The following LHFPL6 variants were observed in gnomAD, a reference collection of about 807,000 sequenced individuals.
The protein encoded by LHFPL6 is LHFPL tetraspan subfamily member 6 protein.
In LHFPL6, 9 loss-of-function variants were observed where a neutral mutation model predicts 20.6. That is an observed-to-expected ratio of 0.44 (90% CI 0.26 to 0.76). LHFPL6 has a LOEUF of 0.76. Ranked by LOEUF, LHFPL6 falls within the 30% of genes least tolerant of loss-of-function variation. The pLI is 0.20. For synonymous variants in LHFPL6, 105 were observed against 98.7 expected, an observed-to-expected ratio of 1.06 and a Z score of -0.38; for missense variants, 218 against 253.5, an observed-to-expected ratio of 0.86 and a Z score of 0.95.
chr13:39,344,041 G>T lies in LHFPL6; in HGVS notation c.498C>A (p.Ile166=). The T allele has an allele frequency of 6.2e-7, 1 of 1,611,060 alleles. No homozygotes were observed. Among genetic ancestry groups the T allele is most frequent in the Non-Finnish European group, 8.5e-7 (1 of 1,177,912 alleles). The change falls in exon 4 of 4, where the codon ATC becomes ATA. Residue 166 remains isoleucine (I), a synonymous_variant. Transcript: ENST00000379589. The stretch of plus-strand genomic sequence containing the variant: ...CTCCCGTGCAGTAGTAGGCCCAGCC[G>T]ATTTCACACTTCCCTAAGGACAAAG... ...SGQFDLGKCE[I]GWAYYCTGAG... is the part of the protein sequence containing the mutation.
intron 2 of LHFPL6, among the ~76,000 whole-genome samples, chr13:39,590,508 T>C (rs1025284925): frequency 2.6e-5 from 4 of 152,216 alleles, no homozygotes; most frequent in African/African-American, 9.7e-5. Context: ...AGCAACAAGA[T>C]CAATTCTTGT....
intron 3 of LHFPL6, among the ~76,000 whole-genome samples, chr13:39,368,676 A>C (rs1156608804): frequency 6.6e-6 from 1 of 152,204 alleles, no homozygotes; most frequent in African/African-American, 2.4e-5. Flanking sequence ...ATGATTTATG[A>C]TCTTTAGAAA....
At chr13:39,379,573 A>G (rs1870384949) in intron 2 of LHFPL6, among the ~76,000 whole-genome samples, 1 of 152,214 alleles carries the variant, frequency 6.6e-6, no homozygotes, top group Non-Finnish European at 1.5e-5. Context: ...TTCTGCACCA[A>G]GTCCCTTCCG....
At chr13:39,490,913 C>T (rs894582302) in intron 2 of LHFPL6, among the ~76,000 whole-genome samples, 1 of 152,126 alleles carries the variant, frequency 6.6e-6, no homozygotes, top group African/African-American at 2.4e-5. Flanking sequence ...CCGATTATTT[C>T]AAGCATGTGG....
chr13:39,572,979 C>CTAA (rs1486823301), intron 2 of LHFPL6, among the ~76,000 whole-genome samples: 1 of 152,152 alleles, frequency 6.6e-6, no homozygotes, highest in Non-Finnish European at 1.5e-5. Flanking sequence ...GATACGCAAT[C>CTAA]TAATATCTGA....
At chr13:39,548,990 G>A (rs1279239385) in intron 2 of LHFPL6, among the ~76,000 whole-genome samples, 1 of 152,102 alleles carries the variant, frequency 6.6e-6, no homozygotes, top group Non-Finnish European at 1.5e-5. Flanking sequence ...TACAGACTGA[G>A]AAAATATTTG....
At chr13:39,466,273 G>A (rs1872803906) in intron 2 of LHFPL6, among the ~76,000 whole-genome samples, 1 of 152,170 alleles carries the variant, frequency 6.6e-6, no homozygotes, top group Admixed American at 6.5e-5. Context: ...CTCCCAGGTA[G>A]AGAAAAATGG....
intron 2 of LHFPL6, among the ~76,000 whole-genome samples, chr13:39,483,897 T>A (rs1377981512): frequency 3.3e-5 from 5 of 152,230 alleles, no homozygotes; most frequent in Non-Finnish European, 7.3e-5. Context: ...GTTTAAGGTT[T>A]AAAACCTGGC....
chr13:39,387,516 A>T (rs1870593698), intron 2 of LHFPL6, among the ~76,000 whole-genome samples: 1 of 135,164 alleles, frequency 7.4e-6, no homozygotes, highest in Non-Finnish European at 1.5e-5. Context: ...ACTGCACTCC[A>T]GCCTGGGTGA....
rs148350825 is a variant in LHFPL6, at chr13:39,373,623, G to C, written c.484+4805C>G. On this transcript the variant is annotated intron_variant, in intron 3 of 3. Coordinates refer to ENST00000379589, the MANE Select transcript of LHFPL6 (RefSeq NM_005780.3). ...GTCCTGACCAGCTGCCTTGAGAGCCGCAGGGATCAATAAACGAGCACAGCT... is the reference window on the plus strand; with the variant it reads ...GTCCTGACCAGCTGCCTTGAGAGCCCCAGGGATCAATAAACGAGCACAGCT... Among the ~76,000 whole-genome samples the C allele has an allele frequency of 7.8e-4, 119 of 152,302 alleles. 1 individual carries two copies. The highest frequency in any genetic ancestry group is 3.4e-3 in the Middle Eastern group (1 of 294).
At chr13:39,466,196 G>C (rs571172070) in intron 2 of LHFPL6, among the ~76,000 whole-genome samples, 2 of 152,120 alleles carry the variant, frequency 1.3e-5, no homozygotes, top group South Asian at 4.1e-4. Flanking sequence ...TAAATGTTTG[G>C]ATCTGAGTTT....
chr13:39,404,136 G>A (rs576768175), intron 2 of LHFPL6, among the ~76,000 whole-genome samples: 4 of 152,200 alleles, frequency 2.6e-5, no homozygotes, highest in East Asian at 3.8e-4. Context: ...AAATAAGCAC[G>A]TGATGGAATT....
Position 39,601,205 on chromosome 13 carries a change from G to A in LHFPL6, c.12C>T (p.Ser4=). ...CCCAGATTACTCCAGTACAAGTCAG[G>A]CTGGATGCCATCTTTCACCAGATAG... The part of the protein sequence containing the change: MAS[S]LTCTGVIWAL... Residue 4 remains serine, a synonymous_variant, in exon 2 of 4, where the codon AGC becomes AGT. Coordinates refer to ENST00000379589, the MANE Select transcript of LHFPL6 (RefSeq NM_005780.3). 1 of 1,608,886 alleles carries A rather than the reference G, an allele frequency of 6.2e-7. No homozygotes were observed. The highest frequency in any genetic ancestry group is 8.5e-7 in the Non-Finnish European group (1 of 1,176,814).
intron 2 of LHFPL6, among the ~76,000 whole-genome samples, chr13:39,432,095 C>T (rs1014465744): frequency 4.6e-5 from 7 of 152,104 alleles, no homozygotes; most frequent in Non-Finnish European, 8.8e-5. Flanking sequence ...TCCCTTGCAC[C>T]ACGTGAGGAC....
At chr13:39,535,446 G>A (rs1162013975) in intron 2 of LHFPL6, among the ~76,000 whole-genome samples, 1 of 152,096 alleles carries the variant, frequency 6.6e-6, no homozygotes, top group Non-Finnish European at 1.5e-5. Context: ...ACATTATTAA[G>A]TACAACAATT....
At chr13:39,445,959 C>CA (rs568008058) in intron 2 of LHFPL6, among the ~76,000 whole-genome samples, 169 of 150,758 alleles carry the variant, frequency 1.1e-3, no homozygotes, top group Non-Finnish European at 2.3e-3. Context: ...TTTCTCTCCA[C>CA]AAAAAAGAGC....
chr13:39,426,210 CTTTTTTTCTTTTTCTTTTT>C (rs1311500789), intron 2 of LHFPL6, among the ~76,000 whole-genome samples: 1 of 149,238 alleles, frequency 6.7e-6, no homozygotes, highest in East Asian at 2.0e-4. Context: ...ACTTTCTTTT[CTTTTTTTCTTTTTCTTTTT>C]TTTTTTTTGA....
chr13:39,416,617 T>C (rs117713744), intron 2 of LHFPL6, among the ~76,000 whole-genome samples: 3,771 of 152,362 alleles, frequency 0.025, 59 homozygotes, highest in Non-Finnish European at 0.038. Flanking sequence ...ATCAGTTTCA[T>C]GTACTTAATG....
chr13:39,367,682 T>C (rs551649356), intron 3 of LHFPL6, among the ~76,000 whole-genome samples: 2 of 152,288 alleles, frequency 1.3e-5, no homozygotes, highest in Admixed American at 6.5e-5. Context: ...TCCATTTGAA[T>C]AATAACAAAA....
Sources: allele counts gnomAD v4.1 joint callset (sites outside exome capture counted in the v4.1 genomes callset), GRCh38; gene constraint gnomAD v4.1.1; transcripts MANE v1.5; gene names NCBI Gene and HGNC (gene_info 2026-07-23, HGNC 2026-07-21).